TTN: variants seen among roughly 807,000 people sequenced by gnomAD.
TTN encodes connectin.
In TTN, 1,525 loss-of-function variants were observed where a neutral mutation model predicts 3,223.0. The ratio of observed to expected loss-of-function variants is 0.47; its 90% CI spans 0.45 to 0.49. The LOEUF is 0.49. Among genes scored for constraint, TTN ranks in the 20% least tolerant of loss-of-function variants. The pLI is 0.00. For missense variants in TTN, 40,786 were observed against 43,424.0 expected (o/e 0.94, Z 5.40); for synonymous variants, 14,094 against 15,161.0 (o/e 0.93, Z 5.17).
In TTN at chr2:178,768,023, A is replaced by T. The variant is rs747584198; in HGVS notation, c.9296T>A (p.Ile3099Asn). The T allele has an allele frequency of 6.2e-7, 1 of 1,614,148 alleles. No homozygotes were observed. Among genetic ancestry groups the T allele is most frequent in the Non-Finnish European group, 8.5e-7 (1 of 1,180,020 alleles). ...AGACAAAACAACTGACCTGTCTGTGATCTGCAGTTCCTGGTCATCTTTCAT... is the reference window on the plus strand; with the variant it reads ...AGACAAAACAACTGACCTGTCTGTGTTCTGCAGTTCCTGGTCATCTTTCAT... ...QWMKDDQELQITDRIKIQKEK... is the reference protein window; with the variant it reads ...QWMKDDQELQNTDRIKIQKEK... The change falls in exon 39 of 363, where the codon ATC becomes AAC. Residue 3099 changes from isoleucine to asparagine, a missense_variant. By Grantham distance (149) the Ile-to-Asn change is moderately radical. Coordinates refer to ENST00000589042, the MANE Select transcript of TTN (RefSeq NM_001267550.2).
chr2:178,706,818 G>A, intron 101 of TTN, 44 bp downstream of exon 101: 2 of 1,601,476 alleles, frequency 1.2e-6, no homozygotes, highest in Non-Finnish European at 1.7e-6. Context: ...ATAAGTAAAA[G>A]GTATAAGATA....
intron 311 of TTN, 32 bp from the exon 312 acceptor site, chr2:178,583,938 T>A: frequency 6.7e-7 from 1 of 1,483,844 alleles, no homozygotes; most frequent in Non-Finnish European, 9.0e-7. Flanking sequence ...TCACCATTTA[T>A]CTTACCAGCA....
Position 178,547,181 on chromosome 2 carries a change from T to G in TTN, c.94344A>C (p.Lys31448Asn), listed in dbSNP as rs1475927387. 1.2e-6 allele frequency: 2 copies of G among 1,613,872 alleles called. No individual in the cohort carries two copies. The highest frequency in any genetic ancestry group is 1.7e-6 in the Non-Finnish European group (2 of 1,179,786). The change falls in exon 340 of 363, where the codon AAA (lysine) becomes AAC (asparagine). Residue 31448 changes from lysine to asparagine, a missense_variant. Lys to Asn is a moderately conservative substitution (Grantham distance 94). Transcript: ENST00000589042. The stretch of plus-strand genomic sequence containing the variant: ...TCACCCAAAGAATTGTATTACGTTC[T>G]TTCTTCTCAACCCAGTAGCCAATGA... ...SKIIGYWVEKKERNTILWVKE... is the reference protein window; with the variant it reads ...SKIIGYWVEKNERNTILWVKE...
In TTN at chr2:178,587,549, C is replaced by T; in HGVS notation, c.63760G>A (p.Glu21254Lys). The T allele has an allele frequency of 6.2e-7, 1 of 1,611,050 alleles. No homozygotes were observed. Among genetic ancestry groups the T allele is most frequent in the South Asian group, 1.1e-5 (1 of 90,810 alleles). Residue 21254 changes from glutamate to lysine, a missense_variant, in exon 306 of 363, where the codon GAA (glutamate) becomes AAA (lysine). Transcript: ENST00000589042. ...YSLTLVNPAG[E>K]KAVFVNVRVL... Reference sequence around the variant, plus strand: ...CTGACATTTACGAATACAGCCTTTTCTCCTGCTGGGTTCACAAGTGTTAAG... The same window carrying T: ...CTGACATTTACGAATACAGCCTTTTTTCCTGCTGGGTTCACAAGTGTTAAG...
intron 163 of TTN, 94 bp from the exon 164 acceptor site, chr2:178,665,885 C>A (rs2065842462): frequency 5.8e-6 from 3 of 519,236 alleles, no homozygotes; most frequent in Non-Finnish European, 8.9e-6. Context: ...CAGATGGGAA[C>A]CTTCTCCCAC....
At position 178,542,279 on chromosome 2, in the gene TTN, A is replaced by C; in HGVS notation, c.97477T>G (p.Cys32493Gly). 6.2e-7 allele frequency: 1 copy of C among 1,607,546 alleles called. No homozygotes were observed. ...GTGGACTTACGGATGCTGCTGCGAC[A>C]CTCTATGACCTCAGACTGCAAGTAA... ...GSYLQSEVIE[C>G]RSSIRIPGPP... The change falls in exon 349 of 363, where the codon TGT (cysteine) becomes GGT (glycine). Residue 32493 changes from cysteine (C) to glycine (G), a missense_variant. Transcript: ENST00000589042.
chr2:178,618,577 G>A lies in TTN; in HGVS notation c.46966+7C>T. On this transcript the variant is annotated splice_region_variant and intron_variant, in intron 251 of 362. Transcript: ENST00000589042. The stretch of plus-strand genomic sequence containing the variant: ...GCCAATTAAGTCTGAGAGACCCAAG[G>A]GCTTACCAATAACTTTTAAATTGAT... 6.2e-7 allele frequency: 1 copy of A among 1,610,988 alleles called. No individual in the cohort carries two copies. Among genetic ancestry groups the A allele is most frequent in the South Asian group, 1.1e-5 (1 of 90,454 alleles).
At chr2:178,699,658 G>A (rs1392753352) in intron 111 of TTN, among the ~76,000 whole-genome samples, 8 of 143,316 alleles carry the variant, frequency 5.6e-5, no homozygotes, top group Admixed American at 4.2e-4. Flanking sequence ...TGATCCGCCC[G>A]CCTCGGCCTC....
At chr2:178,606,628 T>G (rs917318449) in intron 278 of TTN, among the ~76,000 whole-genome samples, 4 of 151,956 alleles carry the variant, frequency 2.6e-5, no homozygotes, top group African/African-American at 4.8e-5. Flanking sequence ...ACTAAGGCAT[T>G]TATTCTCAGG....
In TTN at chr2:178,722,826, T is replaced by C. The variant is rs1271277715; in HGVS notation, c.22073A>G (p.Lys7358Arg). The stretch of plus-strand genomic sequence containing the variant: ...AGTTGGCCGTAATTTGGTATCTCCT[T>C]TGTACCAAGACACTGTAATTTCTGG... ...GTPEITVSWYKGDTKLRPTPE... is the reference protein window; with the variant it reads ...GTPEITVSWYRGDTKLRPTPE... Residue 7358 changes from lysine (K) to arginine (R), a missense_variant, in exon 76 of 363, where the codon AAA becomes AGA. Lys to Arg is a conservative substitution (Grantham distance 26, BLOSUM62 2). Coordinates refer to ENST00000589042, the MANE Select transcript of TTN (RefSeq NM_001267550.2). 6.2e-7 allele frequency: 1 copy of C among 1,613,300 alleles called. No individual in the cohort carries two copies. The highest frequency in any genetic ancestry group is 8.5e-7 in the Non-Finnish European group (1 of 1,179,534).
chr2:178,780,457 C>T lies in TTN; in HGVS notation c.3524-252G>A, dbSNP rs184849308. On this transcript the variant is annotated intron_variant, in intron 21 of 362. Coordinates refer to ENST00000589042, the MANE Select transcript of TTN (RefSeq NM_001267550.2). ...CAGTCAGTTTTGGGGGGATCTACCA[C>T]GGAGGACTTCCTAATTTGCTGTGTG... Among the ~76,000 whole-genome samples the T allele has an allele frequency of 3.5e-4, 54 of 152,322 alleles. 2 individuals are homozygous for T. In the East Asian group the frequency reaches 5.8e-3, roughly 16 times the overall value.
rs1326520842 is a variant in TTN at position 178,567,895 on chromosome 2, A to G, written c.78237T>C (p.Asn26079=). Residue 26079 remains asparagine (N), a synonymous_variant, in exon 326 of 363, where the codon AAT becomes AAC. Coordinates refer to ENST00000589042, the MANE Select transcript of TTN (RefSeq NM_001267550.2). ...NIVGVGKASK[N]SECYVARDPC... The stretch of plus-strand genomic sequence containing the variant: ...GATCTCTGGCTACATAGCATTCAGA[A>G]TTCTTGCTTGCTTTGCCTACACCAA... 5 of 1,613,434 alleles carry G rather than the reference A, an allele frequency of 3.1e-6. No homozygotes were observed. Among genetic ancestry groups the G allele is most frequent in the Non-Finnish European group, 4.2e-6 (5 of 1,179,608 alleles).
chr2:178,614,019 CTT>C, intron 262 of TTN, 31 bp downstream of exon 262: 1 of 1,468,150 alleles, frequency 6.8e-7, no homozygotes, highest in South Asian at 1.2e-5. Flanking sequence ...CATAAGCATC[CTT>C]TTTTTTTTAT....
chr2:178,531,031 T>A lies in TTN; in HGVS notation c.105584A>T (p.Asp35195Val). ...TFEISSVQAS[D>V]EGNYSVVVEN... ...TACCACCACGCTGTAATTGCCCTCATCGGAAGCCTGGACTGAAGAGATCTC... is the reference window on the plus strand; with the variant it reads ...TACCACCACGCTGTAATTGCCCTCAACGGAAGCCTGGACTGAAGAGATCTC... Residue 35195 changes from aspartate to valine, a missense_variant, in exon 358 of 363, where the codon GAT becomes GTT. Coordinates refer to ENST00000589042, the MANE Select transcript of TTN (RefSeq NM_001267550.2). 2.5e-6 allele frequency: 4 copies of A among 1,613,956 alleles called. No individual in the cohort carries two copies. Among genetic ancestry groups the A allele is most frequent in the Non-Finnish European group, 3.4e-6 (4 of 1,179,872 alleles).
Position 178,624,576 on chromosome 2 carries a change from C to G in TTN, c.44704G>C (p.Ala14902Pro), listed in dbSNP as rs1208525940. ...ACAAGTTTTCTGACCCTGCCATCAG[C>G]AACAATTTCATACTTCTTGCTTTTG... ...ILKSKKYEIVADGRVRKLVIH... is the reference protein window; with the variant it reads ...ILKSKKYEIVPDGRVRKLVIH... The change falls in exon 242 of 363, where the codon GCT becomes CCT. Residue 14902 changes from alanine to proline, a missense_variant. Ala to Pro is a conservative substitution (Grantham distance 27, BLOSUM62 -1). Transcript: ENST00000589042. 1.2e-6 allele frequency: 2 copies of G among 1,612,636 alleles called. No individual in the cohort carries two copies. Among genetic ancestry groups the G allele is most frequent in the African/African-American group, 2.7e-5 (2 of 74,834 alleles).
rs559795262 is a variant in TTN at position 178,733,458 on chromosome 2, T to C, written c.15835A>G (p.Thr5279Ala). Residue 5279 changes from threonine to alanine, a missense_variant, in exon 54 of 363, where the codon ACA (threonine) becomes GCA (alanine). Physicochemically the swap from Thr to Ala is moderately conservative, Grantham distance 58. Transcript: ENST00000589042. Reference sequence around the variant, plus strand: ...GTGCCTGCCACTGTGTACTCCAGTGTGGCGGGATCTCCTGCTGTCACCTGG... The same window carrying C: ...GTGCCTGCCACTGTGTACTCCAGTGCGGCGGGATCTCCTGCTGTCACCTGG... ...LIQVTAGDPATLEYTVAGTPE... is the reference protein window; with the variant it reads ...LIQVTAGDPAALEYTVAGTPE... 1.9e-6 allele frequency: 3 copies of C among 1,613,832 alleles called. No homozygotes were observed. The highest frequency in any genetic ancestry group is 4.5e-5 in the East Asian group (2 of 44,864).
Position 178,768,227 on chromosome 2 carries a change from T to C in TTN, c.9164-72A>G. The C allele has an allele frequency of 2.0e-6, 3 of 1,510,538 alleles. No homozygotes were observed. In the South Asian group the frequency reaches 3.5e-5, roughly 18 times the overall value. The allele number at this position is 1,510,538 out of a possible 1,614,324, so 93.6% of individuals were successfully genotyped here. On this transcript the variant is annotated intron_variant, in intron 38 of 362. Coordinates refer to ENST00000589042, the MANE Select transcript of TTN (RefSeq NM_001267550.2). ...GAGATATAATTCACATACTGTACAATCCACCAATTTAAAGTATACAATTCA... is the reference window on the plus strand; with the variant it reads ...GAGATATAATTCACATACTGTACAACCCACCAATTTAAAGTATACAATTCA...
At chr2:178,624,090 C>A (rs1252784918) in intron 242 of TTN, among the ~76,000 whole-genome samples, 1 of 151,898 alleles carries the variant, frequency 6.6e-6, no homozygotes, top group Non-Finnish European at 1.5e-5. Flanking sequence ...ATGGAAATCA[C>A]TTTTACTTTG....
chr2:178,755,058 G>C (rs2086553079), intron 46 of TTN, among the ~76,000 whole-genome samples: 1 of 152,092 alleles, frequency 6.6e-6, no homozygotes, highest in Non-Finnish European at 1.5e-5. Context: ...GCTTTCCACA[G>C]ACCCCTGGAG....
Sources: gnomAD v4.1 joint callset for allele counts (sites outside exome capture counted in the v4.1 genomes callset) on GRCh38, gnomAD v4.1.1 for gene constraint, MANE v1.5 for transcripts, NCBI Gene and HGNC (gene_info 2026-07-23, HGNC 2026-07-21) for gene names.